Variants in GABRG3 observed in about 807,000 individuals in gnomAD.
GABRG3 encodes gamma-aminobutyric acid type A receptor subunit gamma3.
GABRG3 carries 25 observed loss-of-function variants against 48.8 expected under a neutral mutation model. The ratio of observed to expected loss-of-function variants is 0.51; its 90% CI spans 0.37 to 0.72. The LOEUF is 0.72. Ranked by LOEUF, GABRG3 falls within the 30% of genes least tolerant of loss-of-function variation. The pLI, the probability that GABRG3 is intolerant of heterozygous loss-of-function variation, is 0.00. For synonymous variants in GABRG3, 227 were observed against 217.6 expected, an observed-to-expected ratio of 1.04 and a Z score of -0.38; for missense variants, 394 against 577.9, an observed-to-expected ratio of 0.68 and a Z score of 3.26.
intron 7 of GABRG3, among the ~76,000 whole-genome samples, chr15:27,523,646 A>C (rs559565747): frequency 6.6e-6 from 1 of 152,038 alleles, no homozygotes; most frequent in Non-Finnish European, 1.5e-5. Flanking sequence ...AAAAATAGAA[A>C]AGCTCCACAA....
At chr15:27,314,353 C>A (rs1486221724) in intron 3 of GABRG3, among the ~76,000 whole-genome samples, 1 of 152,076 alleles carries the variant, frequency 6.6e-6, no homozygotes, top group Non-Finnish European at 1.5e-5. Context: ...AAATCAAGAC[C>A]GCAAGGAGTT....
chr15:26,973,670 C>T (rs575789081), intron 1 of GABRG3, among the ~76,000 whole-genome samples: 27 of 152,286 alleles, frequency 1.8e-4, no homozygotes, highest in Non-Finnish European at 2.4e-4. Flanking sequence ...CATCATAAAA[C>T]GCACTGATTC....
intron 6 of GABRG3, among the ~76,000 whole-genome samples, chr15:27,501,193 TG>T (rs1890627066): frequency 6.6e-6 from 1 of 152,124 alleles, no homozygotes. Context: ...CCTCGTGATC[TG>T]CCCACCTTGG....
At chr15:27,128,938 T>C (rs1162145356) in intron 3 of GABRG3, among the ~76,000 whole-genome samples, 3 of 152,214 alleles carry the variant, frequency 2.0e-5, no homozygotes, top group African/African-American at 4.8e-5. Context: ...TTAGAAGATA[T>C]GGAATTTATA....
rs985669039 is a variant in GABRG3, at chr15:27,540,989, A to C, written c.*8108A>C. ...CACTAAGCCTCTGGTTAGGATAAAA[A>C]GGAGCAAGGGAGAGGGAGAAAGAGA... is the stretch of plus-strand genomic sequence containing the variant. On this transcript the variant is annotated 3_prime_UTR_variant, in exon 10 of 10. Coordinates refer to ENST00000615808, the MANE Select transcript of GABRG3 (RefSeq NM_033223.5). 2 of 152,292 alleles carry C rather than the reference A, an allele frequency of 1.3e-5. No individual in the cohort carries two copies. The highest frequency in any genetic ancestry group is 2.9e-5 in the Non-Finnish European group (2 of 68,068). 9.4% of individuals were successfully genotyped at this position (152,292 alleles called of 1,614,324 possible). A position where few individuals can be genotyped will look rare whatever the true frequency, so the allele number is the denominator to read the frequency against.
chr15:27,388,128 A>AGGAG (rs1290447940), intron 5 of GABRG3, among the ~76,000 whole-genome samples: 1 of 80,262 alleles, frequency 1.2e-5, no homozygotes, highest in Admixed American at 1.2e-4. Context: ...AAGGAAGGAA[A>AGGAG]GGAGGGAGGG....
At chr15:27,008,945 T>A (rs1408129678) in intron 2 of GABRG3, among the ~76,000 whole-genome samples, 1 of 151,902 alleles carries the variant, frequency 6.6e-6, no homozygotes, top group Non-Finnish European at 1.5e-5. Flanking sequence ...GCAGCCCCCA[T>A]GGATGAGGAA....
At chr15:27,142,277 C>T (rs188664431) in intron 3 of GABRG3, among the ~76,000 whole-genome samples, 1 of 152,238 alleles carries the variant, frequency 6.6e-6, no homozygotes, top group African/African-American at 2.4e-5. Flanking sequence ...AAAGACATAT[C>T]CAAGACTGGG....
intron 3 of GABRG3, among the ~76,000 whole-genome samples, chr15:27,101,763 T>C (rs1048287884): frequency 6.8e-6 from 1 of 147,368 alleles, no homozygotes; most frequent in Non-Finnish European, 1.5e-5. Flanking sequence ...ATCTCTCGGC[T>C]TCCCTGGGCC....
chr15:27,364,244 G>C (rs1194712025), intron 5 of GABRG3: 4 of 152,224 alleles, frequency 2.6e-5, no homozygotes, highest in Non-Finnish European at 5.9e-5. Flanking sequence ...CAAATGAAAG[G>C]CAGCAGTTTT....
chr15:27,396,593 C>A (rs914941068), intron 5 of GABRG3, among the ~76,000 whole-genome samples: 1 of 152,162 alleles, frequency 6.6e-6, no homozygotes, highest in African/African-American at 2.4e-5. Context: ...TATCAGGTTA[C>A]ACAAAGTAAA....
At chr15:27,473,463 G>C (rs888528148) in intron 5 of GABRG3, among the ~76,000 whole-genome samples, 1 of 152,154 alleles carries the variant, frequency 6.6e-6, no homozygotes, top group African/African-American at 2.4e-5. Context: ...AGTTAGAAAT[G>C]ATTACCTTTC....
At chr15:27,344,059 G>C (rs1421947353) in intron 5 of GABRG3, among the ~76,000 whole-genome samples, 1 of 152,222 alleles carries the variant, frequency 6.6e-6, no homozygotes, top group Middle Eastern at 3.2e-3. Context: ...TAAAAAGGAG[G>C]ACATTCAGCT....
At chr15:27,323,984 C>G (rs72703809) in intron 3 of GABRG3, among the ~76,000 whole-genome samples, 2 of 152,152 alleles carry the variant, frequency 1.3e-5, no homozygotes, top group Non-Finnish European at 2.9e-5. Flanking sequence ...TTCACTTCAT[C>G]GTGAGTGATG....
At chr15:27,134,500 C>T (rs1011087645) in intron 3 of GABRG3, among the ~76,000 whole-genome samples, 4 of 152,186 alleles carry the variant, frequency 2.6e-5, no homozygotes, top group African/African-American at 9.7e-5. Context: ...TGTTTGGCTT[C>T]TGGGGGCTCT....
chr15:27,026,095 A>G (rs1360524782), intron 2 of GABRG3, among the ~76,000 whole-genome samples: 1 of 152,254 alleles, frequency 6.6e-6, no homozygotes, highest in Non-Finnish European at 1.5e-5. Flanking sequence ...CTGTGATTAT[A>G]TAAATGTTAT....
chr15:27,190,340 T>A (rs965171374), intron 3 of GABRG3, among the ~76,000 whole-genome samples: 1 of 152,236 alleles, frequency 6.6e-6, no homozygotes, highest in Non-Finnish European at 1.5e-5. Context: ...AATTCGGCTG[T>A]GAATCCATCT....
chr15:27,309,021 A>G (rs1892889838), intron 3 of GABRG3, among the ~76,000 whole-genome samples: 1 of 150,654 alleles, frequency 6.6e-6, no homozygotes, highest in South Asian at 2.1e-4. Context: ...ATATGTTTAT[A>G]TAGAAACATA....
At chr15:27,323,633 C>T (rs1258000741) in intron 3 of GABRG3, among the ~76,000 whole-genome samples, 1 of 152,212 alleles carries the variant, frequency 6.6e-6, no homozygotes, top group African/African-American at 2.4e-5. Flanking sequence ...AGGCAGCTGT[C>T]AGCTCACAGT....
Sources: allele counts gnomAD v4.1 joint callset (sites outside exome capture counted in the v4.1 genomes callset), GRCh38; gene constraint gnomAD v4.1.1; transcripts MANE v1.5; gene names NCBI Gene and HGNC (gene_info 2026-07-23, HGNC 2026-07-21).